PCDH11X: variants seen among roughly 807,000 people sequenced by gnomAD.
PCDH11X encodes the protein protocadherin 11 X-linked.
In PCDH11X, 18 loss-of-function variants were observed where a neutral mutation model predicts 53.3. The observed-to-expected ratio is 0.34, with a 90% confidence interval of 0.23 to 0.50. The LOEUF is 0.50. Among genes scored for constraint, PCDH11X ranks in the 20% least tolerant of loss-of-function variants. PCDH11X has a pLI of 0.98. For synonymous variants in PCDH11X, 279 were observed against 393.3 expected (o/e 0.71, Z 3.44); for missense variants, 570 against 1,032.4 (o/e 0.55, Z 6.14).
intron 9 of PCDH11X, among the ~76,000 whole-genome samples, chrX:92,397,700 G>C (rs1272232528): frequency 1.8e-5 from 2 of 110,362 alleles, no homozygotes; most frequent in Non-Finnish European, 3.8e-5. Context: ...TACAAGGACA[G>C]AGTACTCATT....
chrX:92,367,763 T>G (rs1288328929), intron 8 of PCDH11X, among the ~76,000 whole-genome samples: 1 of 111,754 alleles, frequency 8.9e-6, no homozygotes, highest in African/African-American at 3.3e-5. Flanking sequence ...GAAGCTTAGT[T>G]TGGCTGGATA....
At chrX:92,034,885 T>A (rs1482951147) in intron 6 of PCDH11X, among the ~76,000 whole-genome samples, 1 of 109,469 alleles carries the variant, frequency 9.1e-6, no homozygotes, top group Non-Finnish European at 1.9e-5. Context: ...AAGATTTAAT[T>A]TCTTGGTCTT....
intron 5 of PCDH11X, among the ~76,000 whole-genome samples, chrX:91,847,713 A>T (rs888198810): frequency 9.0e-6 from 1 of 111,431 alleles, no homozygotes; most frequent in African/African-American, 3.3e-5. Context: ...CTTCTGAAGA[A>T]TTGTCTAACA....
At chrX:92,272,821 C>A (rs1191614587) in intron 8 of PCDH11X, among the ~76,000 whole-genome samples, 1 of 112,119 alleles carries the variant, frequency 8.9e-6, no homozygotes, top group East Asian at 2.8e-4. Context: ...CATTCAAGGA[C>A]CGCATTGTCT....
chrX:91,991,641 C>T (rs1365298382), intron 6 of PCDH11X, among the ~76,000 whole-genome samples: 1 of 101,639 alleles, frequency 9.8e-6, no homozygotes, highest in African/African-American at 3.6e-5. Context: ...TTGATGTTCT[C>T]AGGAACTTGG....
At chrX:92,111,943 G>A (rs1226607356) in intron 6 of PCDH11X, among the ~76,000 whole-genome samples, 1 of 108,750 alleles carries the variant, frequency 9.2e-6, no homozygotes, top group African/African-American at 3.4e-5. Flanking sequence ...ATTTTTAGTA[G>A]AGACGGGGTT....
At chrX:92,584,790 T>TA (rs1491205841) in intron 10 of PCDH11X, among the ~76,000 whole-genome samples, 1 of 36,839 alleles carries the variant, frequency 2.7e-5, no homozygotes, top group East Asian at 1.2e-3. Context: ...CTTTTTTTCC[T>TA]TTTTTTTTTT....
chrX:92,609,448 A>G, intron 10 of PCDH11X, among the ~76,000 whole-genome samples: 1 of 111,300 alleles, frequency 9.0e-6, no homozygotes, highest in East Asian at 2.8e-4. Flanking sequence ...TAATCACTCA[A>G]ATAGAATGGT....
chrX:92,255,823 A>G (rs2067566581), intron 7 of PCDH11X, among the ~76,000 whole-genome samples: 2 of 112,296 alleles, frequency 1.8e-5, no homozygotes, highest in Admixed American at 9.4e-5. Flanking sequence ...TGGGAGAACC[A>G]CTGCTCTCTT....
chrX:92,142,701 T>G (rs2065204207), intron 6 of PCDH11X, among the ~76,000 whole-genome samples: 1 of 111,549 alleles, frequency 9.0e-6, no homozygotes, highest in South Asian at 3.7e-4. Context: ...TTTATTCATT[T>G]TACAAATACG....
At chrX:92,212,258 C>T (rs760604058) in intron 7 of PCDH11X, among the ~76,000 whole-genome samples, 3 of 111,852 alleles carry the variant, frequency 2.7e-5, no homozygotes, top group Non-Finnish European at 5.6e-5. Flanking sequence ...GTAATCCACC[C>T]ACCTTGGCTT....
chrX:92,091,650 G>A (rs1448365096), intron 6 of PCDH11X, among the ~76,000 whole-genome samples: 2 of 110,946 alleles, frequency 1.8e-5, no homozygotes, highest in Non-Finnish European at 3.8e-5. Context: ...TCAAAGTGGG[G>A]GCTTCCAGGC....
At chrX:92,166,322 A>C (rs928689834) in intron 6 of PCDH11X, among the ~76,000 whole-genome samples, 1 of 108,339 alleles carries the variant, frequency 9.2e-6, no homozygotes, top group African/African-American at 3.4e-5. Context: ...CTTACAGTTT[A>C]TTTCTGATGT....
rs1569389506 is a variant in PCDH11X, at chrX:92,148,173, C to CTTTCT, written c.3034-53200_3034-53199insTCTTT. ...CCTTCCTTCCTTCCTTCCTTCCTTC[C>CTTTCT]TTCTTTCTTTCTTTCTTTCTTTCTT... On this transcript the variant is annotated intron_variant, in intron 6 of 10. Coordinates refer to ENST00000682573, the MANE Select transcript of PCDH11X (RefSeq NM_032968.5). 6.0e-4 allele frequency among the ~76,000 whole-genome samples: 5 copies of CTTTCT among 8,391 alleles called. 1 individual carries two copies. The highest frequency in any genetic ancestry group is 1.3e-3 in the African/African-American group (3 of 2,279). The allele number at this position is 8,391 out of a possible 115,157, so 7.3% of individuals were successfully genotyped here. A position where few individuals can be genotyped will look rare whatever the true frequency, so the allele number is the denominator to read the frequency against.
intron 7 of PCDH11X, among the ~76,000 whole-genome samples, chrX:92,230,064 T>G (rs1041451658): frequency 9.0e-6 from 1 of 110,547 alleles, no homozygotes; most frequent in Non-Finnish European, 1.9e-5. Context: ...TTACAGTGGG[T>G]AATTAAAATC....
At chrX:92,572,694 G>A (rs1922345854) in intron 10 of PCDH11X, among the ~76,000 whole-genome samples, 1 of 104,040 alleles carries the variant, frequency 9.6e-6, no homozygotes, top group Non-Finnish European at 2.0e-5. Context: ...GACCAGCCTG[G>A]CCAACATAGG....
chrX:91,811,376 C>T lies in PCDH11X; in HGVS notation c.-45+81C>T, dbSNP rs372592303. 2.3e-5 allele frequency: 20 copies of T among 853,240 alleles called. No homozygotes were observed. The African/African-American group carries it at 3.5e-4, about 15-fold the overall frequency. 70.3% of individuals were successfully genotyped at this position (853,240 alleles called of 1,213,427 possible). Reference sequence around the variant, plus strand: ...AGGAGTAGTAATTTTGTCTGAACTCCAATTTTTCATGTTTGAAGCTTTCAT... The same window carrying T: ...AGGAGTAGTAATTTTGTCTGAACTCTAATTTTTCATGTTTGAAGCTTTCAT... On this transcript the variant is annotated intron_variant, in intron 4 of 10. Coordinates refer to ENST00000682573, the MANE Select transcript of PCDH11X (RefSeq NM_032968.5).
chrX:91,834,945 C>T (rs1157927828), intron 4 of PCDH11X: 3 of 763,178 alleles, frequency 3.9e-6, no homozygotes, highest in East Asian at 2.9e-4. Flanking sequence ...TATAATGATT[C>T]CTTGCCTCGT....
intron 9 of PCDH11X, among the ~76,000 whole-genome samples, chrX:92,435,944 A>G (rs1444525284): frequency 9.2e-6 from 1 of 109,127 alleles, no homozygotes; most frequent in African/African-American, 3.3e-5. Context: ...ATCAATACCA[A>G]CATTGAATGT....
Sources: allele counts gnomAD v4.1 joint callset (sites outside exome capture counted in the v4.1 genomes callset), GRCh38; gene constraint gnomAD v4.1.1; transcripts MANE v1.5; gene names NCBI Gene and HGNC (gene_info 2026-07-23, HGNC 2026-07-21).